MATN2: variants seen among roughly 807,000 people sequenced by gnomAD.
MATN2 encodes matrilin-2.
Under a neutral mutation model 103.2 loss-of-function variants are expected in MATN2, and 69 were observed. The observed-to-expected ratio is 0.67, with a 90% CI of 0.55 to 0.82. The LOEUF (loss-of-function observed/expected upper bound fraction) is 0.82. Among genes scored for constraint, MATN2 ranks in the 40% least tolerant of loss-of-function variants. The pLI is 0.00. For synonymous variants in MATN2, 429 were observed against 450.2 expected (o/e 0.95, Z 0.60); for missense variants, 1,023 against 1,211.5 (o/e 0.84, Z 2.31).
Position 97,978,930 on chromosome 8 carries a change from T to C in MATN2, c.1003T>C (p.Cys335Arg), listed in dbSNP as rs184482356. The stretch of plus-strand genomic sequence containing the variant: ...AGAAAACCACGGATGTGAACATGAG[T>C]GTGTAAATGCTGATGGCTCCTACCT... ...ASENHGCEHE[C>R]VNADGSYLCQ... The change falls in exon 6 of 19, where the codon TGT becomes CGT. Residue 335 changes from cysteine to arginine, a missense_variant. Coordinates refer to ENST00000254898, the MANE Select transcript of MATN2 (RefSeq NM_002380.5). 8.3e-4 allele frequency: 1,335 copies of C among 1,613,654 alleles called. 1 individual carries two copies. Among genetic ancestry groups the C allele is most frequent in the Non-Finnish European group, 8.7e-4 (1,022 of 1,179,664 alleles).
At chr8:97,923,718 G>A (rs569765291) in intron 2 of MATN2, among the ~76,000 whole-genome samples, 16 of 152,124 alleles carry the variant, frequency 1.1e-4, no homozygotes, top group African/African-American at 2.9e-4. Flanking sequence ...CACCACGGCC[G>A]GCTAATATTT....
chr8:98,021,129 T>A (rs1813574924), intron 12 of MATN2, 76 bp from the exon 13 acceptor site: 3 of 1,415,654 alleles, frequency 2.1e-6, no homozygotes, highest in Non-Finnish European at 2.9e-6. Context: ...ACTTCCACAA[T>A]CTCTACTCAC....
rs1486111949 is a variant in MATN2, at chr8:97,985,851, C to T, written c.1081+6843C>T. ...CCCAAGTTTTGAGATTATAGGCGCA[C>T]ACTACTGCACCTAGCTGATAACCAT... On this transcript the variant is annotated intron_variant, in intron 6 of 18. Transcript: ENST00000254898. Among the ~76,000 whole-genome samples, 3 of 152,188 alleles carry T rather than the reference C, an allele frequency of 2.0e-5. No homozygotes were observed. In the East Asian group the frequency reaches 5.8e-4, roughly 29 times the overall value.
At chr8:97,934,821 T>C (rs1036314386) in intron 3 of MATN2, among the ~76,000 whole-genome samples, 1 of 152,236 alleles carries the variant, frequency 6.6e-6, no homozygotes, top group African/African-American at 2.4e-5. Flanking sequence ...TAAGATAAGG[T>C]GAACATAGAG....
intron 2 of MATN2, among the ~76,000 whole-genome samples, chr8:97,912,373 T>C (rs1442512768): frequency 6.6e-6 from 1 of 152,108 alleles, no homozygotes; most frequent in Non-Finnish European, 1.5e-5. Context: ...AACCCTAACA[T>C]AGGGCGTTAA....
rs556803103 is a variant in MATN2, at chr8:97,953,151, T to C, written c.836-8257T>C. ...TTGCCCAGGCTGGTCTTGATCCTCCTGCGTTGGCCTCCCAAAGTGCTGGGA... is the reference window on the plus strand; with the variant it reads ...TTGCCCAGGCTGGTCTTGATCCTCCCGCGTTGGCCTCCCAAAGTGCTGGGA... On this transcript the variant is annotated intron_variant, in intron 4 of 18. Coordinates refer to ENST00000254898, the MANE Select transcript of MATN2 (RefSeq NM_002380.5). 2.7e-5 allele frequency among the ~76,000 whole-genome samples: 4 copies of C among 149,558 alleles called. No homozygotes were observed. The South Asian group carries it at 8.7e-4, about 33-fold the overall frequency.
chr8:97,977,557 C>T (rs1222909001), intron 5 of MATN2, among the ~76,000 whole-genome samples: 3 of 152,076 alleles, frequency 2.0e-5, no homozygotes, highest in South Asian at 2.1e-4. Context: ...TTTAAGCCTC[C>T]ACCCTTCCTC....
At chr8:97,884,127 CT>C (rs1172289712) in intron 1 of MATN2, among the ~76,000 whole-genome samples, 13 of 147,864 alleles carry the variant, frequency 8.8e-5, no homozygotes, top group Non-Finnish European at 1.8e-4. Flanking sequence ...TGTATACTTT[CT>C]TTTTTTTCTT....
At chr8:97,997,181 G>C (rs1043011478) in intron 7 of MATN2, among the ~76,000 whole-genome samples, 3 of 152,210 alleles carry the variant, frequency 2.0e-5, no homozygotes, top group African/African-American at 7.2e-5. Flanking sequence ...CCTGTGCTGG[G>C]CTCCAGGATC....
At chr8:97,892,256 A>G (rs974852514) in intron 2 of MATN2, among the ~76,000 whole-genome samples, 15 of 151,492 alleles carry the variant, frequency 9.9e-5, no homozygotes, top group South Asian at 2.1e-4. Context: ...AAGAAAGAAA[A>G]AAAAAAATTA....
chr8:97,924,439 C>T (rs1563670191), intron 2 of MATN2, among the ~76,000 whole-genome samples: 1 of 152,132 alleles, frequency 6.6e-6, no homozygotes, highest in Non-Finnish European at 1.5e-5. Flanking sequence ...GGGAACTTTG[C>T]TGGGAATTGA....
At chr8:97,913,862 G>A (rs978246091) in intron 2 of MATN2, among the ~76,000 whole-genome samples, 2 of 152,182 alleles carry the variant, frequency 1.3e-5, no homozygotes, top group Non-Finnish European at 1.5e-5. Flanking sequence ...CGATCCGCCC[G>A]CCTTGGCCTT....
At chr8:97,936,779 C>T (rs1294308262) in intron 3 of MATN2, among the ~76,000 whole-genome samples, 4 of 152,162 alleles carry the variant, frequency 2.6e-5, no homozygotes, top group African/African-American at 9.7e-5. Flanking sequence ...CTCCCCTTGG[C>T]TCTCACCGCA....
rs1327191276 is a variant in MATN2, at chr8:97,931,186, A to G, written c.376A>G (p.Arg126Gly). 6.2e-7 allele frequency: 1 copy of G among 1,613,162 alleles called. No homozygotes were observed. The highest frequency in any genetic ancestry group is 1.3e-5 in the African/African-American group (1 of 74,912). The change falls in exon 3 of 19, where the codon AGG (arginine) becomes GGG (glycine). Residue 126 changes from arginine to glycine, a missense_variant. Coordinates refer to ENST00000254898, the MANE Select transcript of MATN2 (RefSeq NM_002380.5). The surrounding 1 kb of genome is among the most constrained non-coding windows in gnomAD (Gnocchi z 4.1). ...GTCCGAGGTGGAGCGTGCTGTCAAG[A>G]GGATGCGGCATCTGTCCACGGGCAC... ...RKSEVERAVK[R>G]MRHLSTGTMT... is the part of the protein sequence containing the mutation.
intron 16 of MATN2, 52 bp from the exon 17 acceptor site, chr8:98,032,990 T>C: frequency 1.3e-6 from 2 of 1,554,698 alleles, no homozygotes; most frequent in Non-Finnish European, 1.7e-6. Flanking sequence ...ATGGCTGTTT[T>C]ATAACCAAAA....
chr8:97,966,958 A>G lies in MATN2; in HGVS notation c.958+5428A>G, dbSNP rs183304181. On this transcript the variant is annotated intron_variant, in intron 5 of 18. Coordinates refer to ENST00000254898, the MANE Select transcript of MATN2 (RefSeq NM_002380.5). ...CAGGCTGTATAGGAAGCATGACACCAGCATCTGCTTCTGGTGAGGGCCTCA... is the reference window on the plus strand; with the variant it reads ...CAGGCTGTATAGGAAGCATGACACCGGCATCTGCTTCTGGTGAGGGCCTCA... Among the ~76,000 whole-genome samples, 116 of 152,352 alleles carry G rather than the reference A, an allele frequency of 7.6e-4. 1 individual carries two copies. Among genetic ancestry groups the G allele is most frequent in the Middle Eastern group, 6.8e-3 (2 of 294 alleles).
intron 10 of MATN2, among the ~76,000 whole-genome samples, chr8:98,012,523 G>C (rs942771991): frequency 6.6e-6 from 1 of 152,160 alleles, no homozygotes; most frequent in Non-Finnish European, 1.5e-5. Context: ...GCCAGAGAGC[G>C]AACTGCAGGA....
intron 10 of MATN2, among the ~76,000 whole-genome samples, chr8:98,016,049 T>C (rs1813346314): frequency 6.6e-6 from 1 of 152,238 alleles, no homozygotes; most frequent in African/African-American, 2.4e-5. Flanking sequence ...ACTTGTATTC[T>C]CATGTTTTTT....
rs1812938920 is a variant in MATN2, at chr8:98,005,510, G to A, written c.1328-1595G>A. Among the ~76,000 whole-genome samples, 1 of 152,142 alleles carries A rather than the reference G, an allele frequency of 6.6e-6. No individual in the cohort carries two copies. The highest frequency in any genetic ancestry group is 2.4e-5 in the African/African-American group (1 of 41,428). ...TGACTGCCCCTCCCAGCATGCTTCC[G>A]GGGGCCAGAAGAGCTCTAAGAACGG... is the stretch of plus-strand genomic sequence containing the variant. On this transcript the variant is annotated intron_variant, in intron 8 of 18. Transcript: ENST00000254898. This position sits in a 1 kb window ranked among gnomAD's most constrained non-coding sequence, Gnocchi z 4.6.
Sources: allele counts gnomAD v4.1 joint callset (sites outside exome capture counted in the v4.1 genomes callset), GRCh38; gene constraint gnomAD v4.1.1; non-coding constraint Gnocchi (gnomAD v3.1); transcripts MANE v1.5; gene names NCBI Gene and HGNC (gene_info 2026-07-23, HGNC 2026-07-21).